Variants in APTX observed in about 807,000 individuals in gnomAD.
APTX encodes the protein forkhead-associated domain histidine triad-like protein.
In APTX, 33 loss-of-function variants were observed where a neutral mutation model predicts 42.3. That is an observed-to-expected ratio of 0.78 (90% CI 0.59 to 1.04). APTX has a LOEUF of 1.04. Ranked by LOEUF, APTX falls within the 50% of genes least tolerant of loss-of-function variation. APTX has a pLI of 0.00. For missense variants in APTX, 421 were observed against 415.1 expected, an observed-to-expected ratio of 1.01 and a Z score of -0.12; for synonymous variants, 130 against 146.7, an observed-to-expected ratio of 0.89 and a Z score of 0.82.
intron 1 of APTX, among the ~76,000 whole-genome samples, chr9:33,023,246 C>T (rs1035603474): frequency 6.6e-5 from 10 of 151,414 alleles, no homozygotes; most frequent in Admixed American, 2.6e-4. Context: ...TGAGACTCGA[C>T]AGAGTCTTGC....
At chr9:33,012,218 C>T (rs1837588256) in intron 1 of APTX, among the ~76,000 whole-genome samples, 1 of 152,084 alleles carries the variant, frequency 6.6e-6, no homozygotes, top group Admixed American at 6.6e-5. Flanking sequence ...CTTTGATTCA[C>T]AAGAGACCTT....
At chr9:33,021,376 A>C (rs1050374865) in intron 1 of APTX, among the ~76,000 whole-genome samples, 3 of 152,206 alleles carry the variant, frequency 2.0e-5, no homozygotes, top group Admixed American at 6.5e-5. Context: ...AATCACAATA[A>C]AACTCACAAT....
At chr9:32,992,685 A>G (rs917096121) in intron 1 of APTX, among the ~76,000 whole-genome samples, 3 of 152,248 alleles carry the variant, frequency 2.0e-5, no homozygotes, top group Admixed American at 6.5e-5. Context: ...TGAGCTTCAC[A>G]GTAAGATAAA....
At chr9:33,008,345 G>A (rs1837304704) in intron 1 of APTX, among the ~76,000 whole-genome samples, 1 of 151,738 alleles carries the variant, frequency 6.6e-6, no homozygotes, top group Non-Finnish European at 1.5e-5. Context: ...GCATATTTCT[G>A]TAAATATAAC....
At chr9:32,974,358 G>C (rs1828807349) in intron 7 of APTX, 100 bp downstream of exon 7, 1 of 805,246 alleles carries the variant, frequency 1.2e-6, no homozygotes, top group African/African-American at 1.7e-5. Context: ...GTTGTACATA[G>C]GTTTTTGAGG....
At chr9:33,008,354 A>G (rs1057155265) in intron 1 of APTX, among the ~76,000 whole-genome samples, 5 of 151,952 alleles carry the variant, frequency 3.3e-5, no homozygotes, top group African/African-American at 1.2e-4. Context: ...TGTAAATATA[A>G]CCTTTATGAT....
chr9:33,001,417 G>C, intron 1 of APTX, 150 bp downstream of exon 1: 4 of 1,539,744 alleles, frequency 2.6e-6, no homozygotes, highest in African/African-American at 1.4e-5. Context: ...GGTAGTAACA[G>C]GGGAGGACGG....
intron 2 of APTX, among the ~76,000 whole-genome samples, chr9:32,988,558 T>C (rs1832744038): frequency 6.6e-6 from 1 of 151,956 alleles, no homozygotes; most frequent in Non-Finnish European, 1.5e-5. Context: ...CACATGCCTG[T>C]AGTCCCAGCT....
chr9:32,991,779 G>GAAAAAAAAAAAA (rs35551187), intron 1 of APTX, among the ~76,000 whole-genome samples: 1 of 124,088 alleles, frequency 8.1e-6, no homozygotes. Context: ...TCCATCTCAA[G>GAAAAAAAAAAAA]AAAAAAAAAA....
At chr9:32,991,522 G>C (rs935112313) in intron 1 of APTX, among the ~76,000 whole-genome samples, 1 of 152,060 alleles carries the variant, frequency 6.6e-6, no homozygotes, top group East Asian at 1.9e-4. Flanking sequence ...GGTGTCTCAG[G>C]CCTGTAATCC....
chr9:33,024,362 G>T (rs1487866515), intron 1 of APTX, among the ~76,000 whole-genome samples: 1 of 152,190 alleles, frequency 6.6e-6, no homozygotes, highest in Non-Finnish European at 1.5e-5. Context: ...TGTGTCCCTG[G>T]ATAAAGAAGC....
chr9:32,980,350 T>A (rs1234183758), intron 6 of APTX: 3 of 172,100 alleles, frequency 1.7e-5, no homozygotes, highest in Non-Finnish European at 1.3e-5. Context: ...TCCAGCTGTA[T>A]TCTTCTGCAC....
chr9:32,988,050 G>T, intron 3 of APTX, 33 bp downstream of exon 3: 1 of 1,604,190 alleles, frequency 6.2e-7, no homozygotes, highest in South Asian at 1.1e-5. Flanking sequence ...GAAAATCATC[G>T]AGTATAAAAT....
In APTX at chr9:32,978,498, C is replaced by T. The variant is rs144029831; in HGVS notation, c.771-3937G>A. ...TAGGGGGAGAATGAGGGGCAAGAGA[C>T]GGGAGCAGGAGAAGGTCAAGGAGAA... On this transcript the variant is annotated intron_variant, in intron 6 of 7. Transcript: ENST00000379817. Among the ~76,000 whole-genome samples the T allele has an allele frequency of 2.4e-4, 37 of 152,154 alleles. 1 individual carries two copies. The highest frequency in any genetic ancestry group is 1.2e-4 in the African/African-American group (5 of 41,522).
At chr9:32,975,274 G>C (rs1829105559) in intron 6 of APTX, among the ~76,000 whole-genome samples, 1 of 152,176 alleles carries the variant, frequency 6.6e-6, no homozygotes, top group Non-Finnish European at 1.5e-5. Flanking sequence ...GGAAGCCATT[G>C]AAGGATTTTC....
chr9:33,000,625 C>CAAAAAAAAAAAAAAAAAAAAAAAAAAAAA (rs60760701), intron 1 of APTX, among the ~76,000 whole-genome samples: 16 of 63,404 alleles, frequency 2.5e-4, no homozygotes, highest in Non-Finnish European at 3.6e-4. Context: ...GACTCTGTCT[C>CAAAAAAAAAAAAAAAAAAAAAAAAAAAAA]AAAAAAAAAA....
rs1371566071 is a variant in APTX, at chr9:33,013,152, T to C, written c.-5+11871A>G. On this transcript the variant is annotated intron_variant, in intron 1 of 6. Transcript: ENST00000436040. ...AGGATAATTTCTATGACCATTACTATTAGCAAACATTTACTAGTGTTTATT... is the reference window on the plus strand; with the variant it reads ...AGGATAATTTCTATGACCATTACTACTAGCAAACATTTACTAGTGTTTATT... Among the ~76,000 whole-genome samples, 14 of 152,220 alleles carry C rather than the reference T, an allele frequency of 9.2e-5. 1 individual carries two copies. The highest frequency in any genetic ancestry group is 4.4e-5 in the Non-Finnish European group (3 of 68,038).
chr9:32,988,115 C>A lies in APTX; in HGVS notation c.148G>T (p.Glu50Ter). 6.2e-7 allele frequency: 1 copy of A among 1,614,126 alleles called. No homozygotes were observed. Among genetic ancestry groups the A allele is most frequent in the Non-Finnish European group, 8.5e-7 (1 of 1,179,970 alleles). Residue 50 changes from glutamate to a stop codon, truncating the protein, a stop_gained, in exon 3 of 8, where the codon GAG becomes TAG. Coordinates refer to ENST00000379817, the MANE Select transcript of APTX (RefSeq NM_001195248.2). LOFTEE classifies it high-confidence loss of function. ...CSRQQVQLKA[E>*]CNKGYVKVKQ... is the part of the protein sequence containing the mutation. ...ACCTTGACATATCCCTTGTTACACT[C>A]TGCTTTCAACTGTACTGAAAGAGAT...
chr9:33,019,953 G>A (rs1838237528), intron 1 of APTX: 3 of 450,202 alleles, frequency 6.7e-6, no homozygotes, highest in African/African-American at 2.0e-5. Flanking sequence ...GTGAATATGT[G>A]CGGCCGCATT....
Sources: gnomAD v4.1 joint callset for allele counts (sites outside exome capture counted in the v4.1 genomes callset) on GRCh38, gnomAD v4.1.1 for gene constraint, MANE v1.5 for transcripts, NCBI Gene and HGNC (gene_info 2026-07-23, HGNC 2026-07-21) for gene names.